ZBTB20: variants seen among roughly 807,000 people sequenced by gnomAD.
ZBTB20 encodes zinc finger and BTB domain-containing protein 20.
Under a neutral mutation model 56.9 loss-of-function variants are expected in ZBTB20, and 9 were observed. The ratio of observed to expected loss-of-function variants is 0.16; its 90% CI spans 0.10 to 0.28. The LOEUF is 0.28. Ranked by LOEUF, ZBTB20 falls within the 10% of genes least tolerant of loss-of-function variation. The pLI, the probability that ZBTB20 is intolerant of heterozygous loss-of-function variation, is 1.00. For missense variants in ZBTB20, 655 were observed against 1,003.0 expected (o/e 0.65, Z 4.69); for synonymous variants, 417 against 420.7 (o/e 0.99, Z 0.11).
At chr3:114,534,123 G>T (rs747704741) in intron 6 of ZBTB20, among the ~76,000 whole-genome samples, 75 of 152,278 alleles carry the variant, frequency 4.9e-4, no homozygotes, top group Non-Finnish European at 2.6e-4. Flanking sequence ...GACAGGATCA[G>T]ATTCACACAT....
chr3:114,745,764 C>T (rs989158291), intron 5 of ZBTB20, among the ~76,000 whole-genome samples: 3 of 152,056 alleles, frequency 2.0e-5, no homozygotes, highest in African/African-American at 7.2e-5. Context: ...GGAGAGAGAA[C>T]TAACCACATA....
At chr3:114,346,928 C>T (rs947039521) in intron 11 of ZBTB20, among the ~76,000 whole-genome samples, 4 of 151,864 alleles carry the variant, frequency 2.6e-5, no homozygotes, top group South Asian at 2.1e-4. Context: ...TCAAGTGATC[C>T]ACCCACCTTT....
At chr3:114,981,177 T>C (rs2078311680) in intron 2 of ZBTB20, among the ~76,000 whole-genome samples, 1 of 151,996 alleles carries the variant, frequency 6.6e-6, no homozygotes, top group South Asian at 2.1e-4. Flanking sequence ...TAAAAACCCC[T>C]TGCTTTCTAA....
intron 7 of ZBTB20, among the ~76,000 whole-genome samples, chr3:114,440,481 C>G (rs2090838888): frequency 6.6e-6 from 1 of 152,116 alleles, no homozygotes; most frequent in African/African-American, 2.4e-5. Flanking sequence ...CTATTTCTCT[C>G]ATTCCCTCTT....
intron 7 of ZBTB20, among the ~76,000 whole-genome samples, chr3:114,478,123 CG>C (rs1559845422): frequency 6.6e-6 from 1 of 151,958 alleles, no homozygotes; most frequent in Non-Finnish European, 1.5e-5. Context: ...TGCGCCACCA[CG>C]GCTGGCTAAT....
intron 6 of ZBTB20, among the ~76,000 whole-genome samples, chr3:114,641,430 A>G (rs2059552661): frequency 6.6e-6 from 1 of 151,772 alleles, no homozygotes; most frequent in Non-Finnish European, 1.5e-5. Context: ...TATAATATAT[A>G]CCACTTATAT....
At chr3:115,128,896 G>T (rs958463549) in intron 1 of ZBTB20, among the ~76,000 whole-genome samples, 1 of 152,044 alleles carries the variant, frequency 6.6e-6, no homozygotes, top group South Asian at 2.1e-4. Flanking sequence ...TCAGGAGATC[G>T]AGACCATCCT....
At chr3:114,669,324 G>A (rs987002971) in intron 6 of ZBTB20, among the ~76,000 whole-genome samples, 6 of 151,950 alleles carry the variant, frequency 3.9e-5, no homozygotes, top group Non-Finnish European at 5.9e-5. Context: ...ACATCAACAC[G>A]TAAGACACTC....
intron 4 of ZBTB20, among the ~76,000 whole-genome samples, chr3:114,801,432 G>T (rs1003797531): frequency 1.2e-4 from 18 of 144,578 alleles, no homozygotes; most frequent in African/African-American, 4.4e-4. Context: ...AACAAAATAC[G>T]CCTCCATGTT....
At chr3:115,125,159 C>G (rs1424965841) in intron 1 of ZBTB20, among the ~76,000 whole-genome samples, 1 of 151,752 alleles carries the variant, frequency 6.6e-6, no homozygotes, top group Non-Finnish European at 1.5e-5. Flanking sequence ...GTGGGCAACA[C>G]AGTAAGACCC....
chr3:114,418,234 A>T (rs1342063482), intron 7 of ZBTB20, among the ~76,000 whole-genome samples: 1 of 152,054 alleles, frequency 6.6e-6, no homozygotes, highest in East Asian at 1.9e-4. Context: ...AGCATTCCTG[A>T]TGCCCTTTGA....
rs189271115 is a variant in ZBTB20, at chr3:114,867,104, A to G, written c.-417+33200T>C. Reference sequence around the variant, plus strand: ...GGATGAAAAAGCCCCCTTCAGTAAGAGCAAAGATAGGTCCAGATGAGGAGG... The same window carrying G: ...GGATGAAAAAGCCCCCTTCAGTAAGGGCAAAGATAGGTCCAGATGAGGAGG... On this transcript the variant is annotated intron_variant, in intron 4 of 11. Transcript: ENST00000675478. Among the ~76,000 whole-genome samples, 4 of 152,288 alleles carry G rather than the reference A, an allele frequency of 2.6e-5. No homozygotes were observed. The East Asian group carries it at 7.7e-4, about 29-fold the overall frequency.
chr3:115,121,352 T>C (rs2084176495), intron 1 of ZBTB20, among the ~76,000 whole-genome samples: 1 of 152,042 alleles, frequency 6.6e-6, no homozygotes, highest in South Asian at 2.1e-4. Context: ...AAATTTTACC[T>C]ATTGCCACTA....
intron 2 of ZBTB20, among the ~76,000 whole-genome samples, chr3:114,982,559 GA>G (rs2078372090): frequency 6.6e-6 from 1 of 151,974 alleles, no homozygotes; most frequent in African/African-American, 2.4e-5. Flanking sequence ...GGTTTGCACA[GA>G]ACAGGTTTTA....
chr3:114,667,239 G>A (rs2061110915), intron 6 of ZBTB20, among the ~76,000 whole-genome samples: 1 of 151,924 alleles, frequency 6.6e-6, no homozygotes, highest in African/African-American at 2.4e-5. Flanking sequence ...AACACAAATT[G>A]CTAGGTTCAT....
At chr3:114,787,596 G>C (rs2070650923) in intron 5 of ZBTB20, among the ~76,000 whole-genome samples, 1 of 151,728 alleles carries the variant, frequency 6.6e-6, no homozygotes, top group Non-Finnish European at 1.5e-5. Context: ...AAAGGAAGAA[G>C]TTCTTCAGTG....
At chr3:115,132,020 G>A (rs544865296) in intron 1 of ZBTB20, among the ~76,000 whole-genome samples, 4 of 151,456 alleles carry the variant, frequency 2.6e-5, no homozygotes, top group Admixed American at 6.6e-5. Context: ...CTTGCCTTTC[G>A]TTACCATTTA....
At chr3:114,715,785 G>C (rs1406150078) in intron 5 of ZBTB20, among the ~76,000 whole-genome samples, 1 of 152,172 alleles carries the variant, frequency 6.6e-6, no homozygotes, top group East Asian at 1.9e-4. Context: ...ATCTTTGTGT[G>C]TGTGTGTTTT....
intron 6 of ZBTB20, among the ~76,000 whole-genome samples, chr3:114,662,531 AG>A (rs2060797603): frequency 6.9e-6 from 1 of 143,912 alleles, no homozygotes; most frequent in African/African-American, 2.6e-5. Context: ...ACAGTGTAAA[AG>A]TGTTCCTATT....
Sources: allele counts gnomAD v4.1 joint callset (sites outside exome capture counted in the v4.1 genomes callset), GRCh38; gene constraint gnomAD v4.1.1; transcripts MANE v1.5; gene names NCBI Gene and HGNC (gene_info 2026-07-23, HGNC 2026-07-21).